The following MPRIP variants were observed in gnomAD, a reference collection of about 807,000 sequenced individuals.
The protein encoded by MPRIP is myosin phosphatase Rho-interacting protein.
Under a neutral mutation model 234.9 loss-of-function variants are expected in MPRIP, and 59 were observed. The ratio of observed to expected loss-of-function variants is 0.25; its 90% confidence interval spans 0.20 to 0.31. The LOEUF (loss-of-function observed/expected upper bound fraction) is 0.31, where lower values mean the gene tolerates loss of function less well. MPRIP is among the 10% of genes least tolerant of loss of function. The probability of loss-of-function intolerance (pLI) is 1.00; values close to 1 mark genes in which losing one functional copy is unlikely to be tolerated. For missense variants in MPRIP, 2,436 were observed against 3,071.0 expected (o/e 0.79, Z 4.89); for synonymous variants, 1,144 against 1,263.9 (o/e 0.91, Z 2.01).
chr17:17,048,229 A>G (rs1680315149), intron 1 of MPRIP, among the ~76,000 whole-genome samples: 1 of 151,990 alleles, frequency 6.6e-6, no homozygotes, highest in South Asian at 2.1e-4. Flanking sequence ...GATCTCTCCC[A>G]GGGTTCTTAG....
intron 12 of MPRIP, among the ~76,000 whole-genome samples, chr17:17,153,932 G>A (rs1210079622): frequency 6.6e-6 from 1 of 152,060 alleles, no homozygotes; most frequent in Non-Finnish European, 1.5e-5. Flanking sequence ...CTCCACCACT[G>A]CTCAGCACAT....
chr17:17,077,751 TTA>T (rs2089367453), intron 2 of MPRIP: 2 of 338,144 alleles, frequency 5.9e-6, no homozygotes, highest in Non-Finnish European at 1.0e-5. Context: ...CTTCCAAGTG[TTA>T]AAAAAAAAAA....
intron 19 of MPRIP, 79 bp downstream of exon 19, chr17:17,174,154 A>C: frequency 6.6e-7 from 1 of 1,513,406 alleles, no homozygotes; most frequent in Non-Finnish European, 9.0e-7. Context: ...GTGAGTCCAC[A>C]CTGGAGCTGG....
Position 17,177,263 on chromosome 17 carries a change from C to T in MPRIP, c.6971C>T (p.Ala2324Val). 6.2e-7 allele frequency: 1 copy of T among 1,611,208 alleles called. No individual in the cohort carries two copies. The highest frequency in any genetic ancestry group is 8.5e-7 in the Non-Finnish European group (1 of 1,178,692). The stretch of plus-strand genomic sequence containing the variant: ...TTCACTCCCAAGGACAAGAAGTACG[C>T]AAGTGACAAGTACAAAGACATCTAC... Reference protein sequence around the residue: ...LQTALRDKKYASDKYKDIYTE... With the variant: ...LQTALRDKKYVSDKYKDIYTE... The change falls in exon 22 of 24, where the codon GCA becomes GTA. Residue 2324 changes from alanine to valine, a missense_variant. Around this residue, in one of 4 missense-constraint regions of MPRIP, gnomAD observed 1,998 missense variants for 2,520.3 expected, o/e 0.79. Transcript: ENST00000651222.
chr17:17,092,586 C>T lies in MPRIP; in HGVS notation c.267+14510C>T, dbSNP rs115353742. Among the ~76,000 whole-genome samples the T allele has an allele frequency of 3.3e-3, 508 of 152,224 alleles. 3 individuals are homozygous for T. Among genetic ancestry groups the T allele is most frequent in the African/African-American group, 0.012 (489 of 41,520 alleles). ...CTTTCTCCTTGCTTGCTTCTATTCA[C>T]GTTTTCTGTCTCCTGCAGCCCATGG... On this transcript the variant is annotated intron_variant, in intron 3 of 23. Transcript: ENST00000651222.
At chr17:17,128,278 G>A (rs2090531666) in intron 4 of MPRIP, among the ~76,000 whole-genome samples, 1 of 152,202 alleles carries the variant, frequency 6.6e-6, no homozygotes, top group Non-Finnish European at 1.5e-5. Context: ...TAACAGGTGG[G>A]ATGGATGGGA....
intron 21 of MPRIP, 24 bp from the exon 22 acceptor site, chr17:17,177,226 A>G (rs377347330): frequency 6.3e-5 from 101 of 1,606,150 alleles, no homozygotes; most frequent in Non-Finnish European, 8.3e-5. Flanking sequence ...TGTAACTACC[A>G]TTCTCTGTCA....
intron 1 of MPRIP, among the ~76,000 whole-genome samples, chr17:17,070,204 T>G (rs1204646206): frequency 6.6e-6 from 1 of 152,204 alleles, no homozygotes; most frequent in Non-Finnish European, 1.5e-5. Context: ...TCTTTGTCTT[T>G]TAGGTTTTTC....
At chr17:17,108,895 TG>T (rs35991860) in intron 3 of MPRIP, among the ~76,000 whole-genome samples, 1 of 152,210 alleles carries the variant, frequency 6.6e-6, no homozygotes, top group Admixed American at 6.5e-5. Flanking sequence ...CCAGGCAAGC[TG>T]GGACACAGGA....
chr17:17,132,387 T>G (rs1238126376), intron 5 of MPRIP, among the ~76,000 whole-genome samples: 2 of 152,220 alleles, frequency 1.3e-5, no homozygotes, highest in African/African-American at 4.8e-5. Flanking sequence ...TCGCCAAGAT[T>G]GTTGTGAGCA....
At chr17:17,158,280 T>C in intron 13 of MPRIP, 152 bp from the exon 14 acceptor site, 1 of 455,660 alleles carries the variant, frequency 2.2e-6, no homozygotes, top group South Asian at 2.6e-5. Flanking sequence ...AGAGTATTCC[T>C]GTCCTCCCTG....
chr17:17,119,669 T>C (rs1234447357), intron 3 of MPRIP, among the ~76,000 whole-genome samples: 1 of 152,192 alleles, frequency 6.6e-6, no homozygotes, highest in African/African-American at 2.4e-5. Context: ...CTGCTTCTAC[T>C]GCAAGGCAAT....
rs560147564 is a variant in MPRIP at position 17,162,663 on chromosome 17, A to G, written c.2517+1307A>G. Among the ~76,000 whole-genome samples the G allele has an allele frequency of 2.1e-4, 32 of 152,346 alleles. 2 individuals are homozygous for G. Among genetic ancestry groups the G allele is most frequent in the African/African-American group, 7.5e-4 (31 of 41,590 alleles). Reference sequence around the variant, plus strand: ...TTAATTCTTGATTGGGCCTCATCCTATAAGAACTGGCTTCAAATCAGGTAG... The same window carrying G: ...TTAATTCTTGATTGGGCCTCATCCTGTAAGAACTGGCTTCAAATCAGGTAG... On this transcript the variant is annotated intron_variant, in intron 15 of 23. Transcript: ENST00000651222.
intron 3 of MPRIP, among the ~76,000 whole-genome samples, chr17:17,124,381 C>T (rs775403256): frequency 6.6e-6 from 1 of 152,180 alleles, no homozygotes; most frequent in Non-Finnish European, 1.5e-5. Context: ...TTGATATATT[C>T]CATCTAACAT....
chr17:17,177,162 C>G, intron 21 of MPRIP, 88 bp from the exon 22 acceptor site: 1 of 1,318,514 alleles, frequency 7.6e-7, no homozygotes, highest in Middle Eastern at 1.9e-4. Context: ...GCCTCCCTAC[C>G]GTGTTCAGTC....
chr17:17,118,799 C>T (rs2090334320), intron 3 of MPRIP, among the ~76,000 whole-genome samples: 1 of 152,170 alleles, frequency 6.6e-6, no homozygotes, highest in Non-Finnish European at 1.5e-5. Flanking sequence ...TTCCAGTTTC[C>T]TCAGAGGACT....
chr17:17,043,244 A>G (rs961586860), intron 1 of MPRIP, among the ~76,000 whole-genome samples: 2 of 152,158 alleles, frequency 1.3e-5, no homozygotes, highest in African/African-American at 4.8e-5. Flanking sequence ...TTCGCTTAGT[A>G]GGAACAAAGC....
At chr17:17,107,278 G>A (rs1184396986) in intron 3 of MPRIP, among the ~76,000 whole-genome samples, 2 of 152,202 alleles carry the variant, frequency 1.3e-5, no homozygotes, top group African/African-American at 4.8e-5. Flanking sequence ...CTGCCAGGAG[G>A]CCCAATTCCT....
At chr17:17,075,891 C>G (rs2089317239) in intron 2 of MPRIP, 104 bp downstream of exon 2, 2 of 1,135,256 alleles carry the variant, frequency 1.8e-6, no homozygotes, top group Non-Finnish European at 2.6e-6. Context: ...AACAGTGGAT[C>G]CTGGGATAGC....
Sources: gnomAD v4.1 joint callset for allele counts (sites outside exome capture counted in the v4.1 genomes callset) on GRCh38, gnomAD v4.1.1 for gene constraint, gnomAD v4.1.1 regional missense constraint, MANE v1.5 for transcripts, NCBI Gene and HGNC (gene_info 2026-07-23, HGNC 2026-07-21) for gene names.